The following SKI variants were observed in gnomAD, a reference collection of about 807,000 sequenced individuals.
The protein encoded by SKI is ski oncogene.
Under a neutral mutation model 59.3 loss-of-function variants are expected in SKI, and 23 were observed. That is an observed-to-expected ratio of 0.39 (90% confidence interval 0.28 to 0.55). SKI has a LOEUF of 0.55. SKI is among the 20% of genes least tolerant of loss of function. The probability of loss-of-function intolerance (pLI) is 0.67; values close to 1 mark genes in which losing one functional copy is unlikely to be tolerated. For missense variants in SKI, 1,017 were observed against 1,038.9 expected (o/e 0.98, Z 0.29); for synonymous variants, 673 against 488.6 (o/e 1.38, Z -4.98).
At position 2,268,613 on chromosome 1, in the gene SKI, T is replaced by C. The variant is rs2100849802; in HGVS notation, c.970-34365T>C. On this transcript the variant is annotated intron_variant, in intron 1 of 6. Transcript: ENST00000378536. This position sits in a 1 kb window ranked among gnomAD's most constrained non-coding sequence, Gnocchi z 5.0. ...GAATTTTCTTGGCTGGCTTGACAGGTCCCCCTTTCCCTCACCATGGAGTTT... is the reference window on the plus strand; with the variant it reads ...GAATTTTCTTGGCTGGCTTGACAGGCCCCCCTTTCCCTCACCATGGAGTTT... Among the ~76,000 whole-genome samples the C allele has an allele frequency of 6.6e-6, 1 of 152,282 alleles. No homozygotes were observed. The highest frequency in any genetic ancestry group is 3.4e-3 in the Middle Eastern group (1 of 292).
intron 1 of SKI, among the ~76,000 whole-genome samples, chr1:2,294,951 G>C (rs565607132): frequency 4.2e-4 from 64 of 152,268 alleles, no homozygotes; most frequent in Non-Finnish European, 7.9e-4. Flanking sequence ...ACCTCAGGGT[G>C]GTGGCAGGGC....
chr1:2,259,520 G>C (rs1322584440), intron 1 of SKI, among the ~76,000 whole-genome samples: 2 of 152,182 alleles, frequency 1.3e-5, no homozygotes, highest in Non-Finnish European at 2.9e-5. Flanking sequence ...GTGCAGTTAG[G>C]ATGATTGCTG....
At chr1:2,248,745 T>C (rs1268507430) in intron 1 of SKI, among the ~76,000 whole-genome samples, 1 of 152,256 alleles carries the variant, frequency 6.6e-6, no homozygotes, top group Non-Finnish European at 1.5e-5. Flanking sequence ...ACGTCTTCTC[T>C]GTGCAAATAG....
intron 1 of SKI, among the ~76,000 whole-genome samples, chr1:2,277,471 C>A (rs1569791986): frequency 1.3e-5 from 2 of 152,286 alleles, no homozygotes; most frequent in East Asian, 3.9e-4. Context: ...TCTGCTTTTG[C>A]TTCCTCCTCA....
In SKI at chr1:2,228,818, C is replaced by A; in HGVS notation, c.52C>A (p.Gln18Lys). ...RGCFQPHPGL[Q>K]KTLEQFHLSS... ...CTGTTTCCAGCCGCACCCGGGGCTG[C>A]AGAAGACGCTGGAGCAGTTCCACCT... Residue 18 changes from glutamine to lysine, a missense_variant, in exon 1 of 7, where the codon CAG (glutamine) becomes AAG (lysine). Gln to Lys is a moderately conservative substitution (Grantham distance 53). Transcript: ENST00000378536. 1 of 1,377,366 alleles carries A rather than the reference C, an allele frequency of 7.3e-7. No individual in the cohort carries two copies. The highest frequency in any genetic ancestry group is 9.5e-7 in the Non-Finnish European group (1 of 1,056,036). The allele number at this position is 1,377,366 out of a possible 1,614,324, so 85.3% of individuals were successfully genotyped here.
Position 2,268,774 on chromosome 1 carries a change from G to C in SKI, c.970-34204G>C, listed in dbSNP as rs777226163. On this transcript the variant is annotated intron_variant, in intron 1 of 6. Coordinates refer to ENST00000378536, the MANE Select transcript of SKI (RefSeq NM_003036.4). The surrounding 1 kb of genome is among the most constrained non-coding windows in gnomAD (Gnocchi z 5.0). ...ATGACAGGAGTGGGTGTGGGGACTG[G>C]TGGGGACAGCGACTGTGCCTTCTGG... is the stretch of plus-strand genomic sequence containing the variant. Among the ~76,000 whole-genome samples, 1 of 152,202 alleles carries C rather than the reference G, an allele frequency of 6.6e-6. No homozygotes were observed. The highest frequency in any genetic ancestry group is 1.5e-5 in the Non-Finnish European group (1 of 68,030).
intron 1 of SKI, among the ~76,000 whole-genome samples, chr1:2,237,340 C>T (rs1345894826): frequency 6.6e-6 from 1 of 152,232 alleles, no homozygotes. Context: ...CCCTGCGGTG[C>T]TCCTGGCTGC....
Position 2,267,781 on chromosome 1 carries a change from C to T in SKI, c.970-35197C>T, listed in dbSNP as rs1189028335. ...TGGGCCTTTCTACTTCCAGACTGTC[C>T]CAGGACACGGGTCCACGGTCACACG... On this transcript the variant is annotated intron_variant, in intron 1 of 6. Transcript: ENST00000378536. This position sits in a 1 kb window ranked among gnomAD's most constrained non-coding sequence, Gnocchi z 4.1. Among the ~76,000 whole-genome samples, 1 of 152,168 alleles carries T rather than the reference C, an allele frequency of 6.6e-6. No individual in the cohort carries two copies. The highest frequency in any genetic ancestry group is 1.5e-5 in the Non-Finnish European group (1 of 68,022).
At chr1:2,244,614 TAG>T (rs1453749109) in intron 1 of SKI, among the ~76,000 whole-genome samples, 1 of 152,170 alleles carries the variant, frequency 6.6e-6, no homozygotes, top group Admixed American at 6.5e-5. Flanking sequence ...TTCTGTCATT[TAG>T]AGTGTCTTTG....
At chr1:2,258,801 C>T (rs1225738588) in intron 1 of SKI, among the ~76,000 whole-genome samples, 5 of 152,160 alleles carry the variant, frequency 3.3e-5, no homozygotes, top group Non-Finnish European at 7.4e-5. Flanking sequence ...CCCACCTTGG[C>T]CTCCCAAAGT....
In SKI at chr1:2,267,449, G is replaced by A. The variant is rs1402734201; in HGVS notation, c.970-35529G>A. 1.3e-5 allele frequency among the ~76,000 whole-genome samples: 2 copies of A among 152,178 alleles called. No individual in the cohort carries two copies. The highest frequency in any genetic ancestry group is 6.5e-5 in the Admixed American group (1 of 15,284). ...CGACAGGAATGTCCCACGTCCTCTC[G>A]TGTGCTGTCGGGAGACAAACCTCTT... On this transcript the variant is annotated intron_variant, in intron 1 of 6. Coordinates refer to ENST00000378536, the MANE Select transcript of SKI (RefSeq NM_003036.4). This position sits in a 1 kb window ranked among gnomAD's most constrained non-coding sequence, Gnocchi z 4.1.
chr1:2,241,963 G>GTGTGTGTGTGCC (rs1638888824), intron 1 of SKI, among the ~76,000 whole-genome samples: 2 of 151,840 alleles, frequency 1.3e-5, no homozygotes, highest in South Asian at 2.1e-4. Flanking sequence ...GTGTGTGTGT[G>GTGTGTGTGTGCC]TGTGTGTGCC....
chr1:2,288,000 T>G (rs56051051), intron 1 of SKI, among the ~76,000 whole-genome samples: 26,611 of 151,406 alleles, frequency 0.18, 2,955 homozygotes, highest in Non-Finnish European at 0.24. Context: ...TTTTTTTTTC[T>G]TCCTTGAGAC....
In SKI at chr1:2,307,840, C is replaced by G. The variant is rs985085876; in HGVS notation, c.*1075C>G. ...CCGAAGTGCTCGAGTGCTTAGAAAC[C>G]CCCTCTGGTGCTTGGTTGAACAAGG... is the stretch of plus-strand genomic sequence containing the variant. On this transcript the variant is annotated 3_prime_UTR_variant, in exon 7 of 7. Coordinates refer to ENST00000378536, the MANE Select transcript of SKI (RefSeq NM_003036.4). The G allele has an allele frequency of 6.6e-6, 1 of 152,508 alleles. No homozygotes were observed. Among genetic ancestry groups the G allele is most frequent in the African/African-American group, 2.4e-5 (1 of 41,434 alleles). 9.4% of individuals were successfully genotyped at this position (152,508 alleles called of 1,614,324 possible).
chr1:2,291,729 G>A (rs965762088), intron 1 of SKI, among the ~76,000 whole-genome samples: 2 of 152,046 alleles, frequency 1.3e-5, no homozygotes, highest in African/African-American at 4.8e-5. Context: ...GGGGCATGAG[G>A]AAGAGGGCCA....
At chr1:2,293,849 C>A (rs1195338997) in intron 1 of SKI, among the ~76,000 whole-genome samples, 1 of 152,224 alleles carries the variant, frequency 6.6e-6, no homozygotes, top group Non-Finnish European at 1.5e-5. Context: ...AGGCCTGTGG[C>A]TGCAGGTTCC....
intron 1 of SKI, among the ~76,000 whole-genome samples, chr1:2,285,691 G>A (rs1640024755): frequency 6.7e-6 from 1 of 150,198 alleles, no homozygotes; most frequent in Non-Finnish European, 1.5e-5. Flanking sequence ...AGCCTCCCTA[G>A]TAGCTGGGAT....
In SKI at chr1:2,308,495, C is replaced by G. The variant is rs991338293; in HGVS notation, c.*1730C>G. On this transcript the variant is annotated 3_prime_UTR_variant, in exon 7 of 7. Coordinates refer to ENST00000378536, the MANE Select transcript of SKI (RefSeq NM_003036.4). ...TGTTCTGTGTGCATGGATTCCACAC[C>G]TCTGCCGTAGGTAGATCCGTCAGCG... 21 of 152,224 alleles carry G rather than the reference C, an allele frequency of 1.4e-4. No homozygotes were observed. Among genetic ancestry groups the G allele is most frequent in the African/African-American group, 5.1e-4 (21 of 41,456 alleles). 9.4% of individuals were successfully genotyped at this position (152,224 alleles called of 1,614,324 possible).
Position 2,229,327 on chromosome 1 carries a change from C to T in SKI, c.561C>T (p.Asn187=). 1.3e-6 allele frequency: 2 copies of T among 1,596,708 alleles called. No homozygotes were observed. Among genetic ancestry groups the T allele is most frequent in the Non-Finnish European group, 8.5e-7 (1 of 1,172,382 alleles). ...AGACGGACGCCGAGCGCCTGTGCAA[C>T]GCGCTGCTCTACGGCGGCGCCTACC... ...ITKTDAERLC[N]ALLYGGAYPP... The change falls in exon 1 of 7, where the codon AAC becomes AAT. Residue 187 remains asparagine, a synonymous_variant. Coordinates refer to ENST00000378536, the MANE Select transcript of SKI (RefSeq NM_003036.4). This position sits in a 1 kb window ranked among gnomAD's most constrained non-coding sequence, Gnocchi z 6.3.
Sources: allele counts gnomAD v4.1 joint callset (sites outside exome capture counted in the v4.1 genomes callset), GRCh38; gene constraint gnomAD v4.1.1; non-coding constraint Gnocchi (gnomAD v3.1); transcripts MANE v1.5; gene names NCBI Gene and HGNC (gene_info 2026-07-23, HGNC 2026-07-21).